Variants in WDR1 observed in about 807,000 individuals in gnomAD.
WDR1 encodes the protein WD repeat domain 1.
Under a neutral mutation model 71.9 loss-of-function variants are expected in WDR1, and 21 were observed. The ratio of observed to expected loss-of-function variants is 0.29; its 90% CI spans 0.21 to 0.42. The LOEUF (loss-of-function observed/expected upper bound fraction) is 0.42, where lower values mean the gene tolerates loss of function less well. Ranked by LOEUF, WDR1 falls within the 10% of genes least tolerant of loss-of-function variation. The pLI, the probability that WDR1 is intolerant of heterozygous loss-of-function variation, is 1.00. For missense variants in WDR1, 696 were observed against 824.5 expected, an observed-to-expected ratio of 0.84 and a Z score of 1.91; for synonymous variants, 424 against 347.4, an observed-to-expected ratio of 1.22 and a Z score of -2.45.
At chr4:10,083,726 G>A in intron 9 of WDR1, 1 of 456,806 alleles carries the variant, frequency 2.2e-6, no homozygotes, top group Non-Finnish European at 4.4e-6. Flanking sequence ...CCCTGCCCAG[G>A]CACTCTGCAG....
chr4:10,111,477 C>A (rs1713359659), intron 2 of WDR1, among the ~76,000 whole-genome samples: 1 of 152,206 alleles, frequency 6.6e-6, no homozygotes, highest in Non-Finnish European at 1.5e-5. Context: ...CTGGCAGGCG[C>A]TGCTGCCAGC....
At chr4:10,075,689 C>T (rs1325074161) in intron 14 of WDR1, 2 of 596,920 alleles carry the variant, frequency 3.4e-6, no homozygotes, top group African/African-American at 3.7e-5. Flanking sequence ...GGCCGGGTAC[C>T]TCTTTTTTGT....
chr4:10,115,900 CT>C, intron 2 of WDR1: 1 of 608,486 alleles, frequency 1.6e-6, no homozygotes, highest in Admixed American at 3.2e-5. Context: ...CGAACTAAGA[CT>C]CAGTTTCCTC....
intron 6 of WDR1, 81 bp downstream of exon 6, chr4:10,088,583 T>G (rs1578426008): frequency 2.3e-6 from 3 of 1,310,226 alleles, no homozygotes; most frequent in Admixed American, 2.0e-5. Flanking sequence ...AGGACTAGCA[T>G]TAGGCAGCCT....
At chr4:10,101,457 T>C (rs1445363880) in intron 3 of WDR1, among the ~76,000 whole-genome samples, 1 of 152,228 alleles carries the variant, frequency 6.6e-6, no homozygotes, top group East Asian at 1.9e-4. Flanking sequence ...CGTTCCAATG[T>C]AAGCCTTAAC....
intron 5 of WDR1, 26 bp downstream of exon 5, chr4:10,097,685 T>C (rs1242107619): frequency 1.3e-6 from 2 of 1,597,388 alleles, no homozygotes; most frequent in African/African-American, 2.7e-5. Context: ...AACCACAAAT[T>C]TCACCCAAAA....
At chr4:10,116,452 G>C in intron 1 of WDR1, 199 bp downstream of exon 1, 2 of 796,286 alleles carry the variant, frequency 2.5e-6, no homozygotes, top group Non-Finnish European at 3.5e-6. Flanking sequence ...CTCGGCCCAC[G>C]GCGCCAACTT....
chr4:10,075,302 T>C lies in WDR1; in HGVS notation c.*76A>G, dbSNP rs1000689111. ...GGGGCATGGGGGCGCGTCACAGAAATAGAGAAATGACATGTTCCGCTGCAG... is the reference window on the plus strand; with the variant it reads ...GGGGCATGGGGGCGCGTCACAGAAACAGAGAAATGACATGTTCCGCTGCAG... On this transcript the variant is annotated 3_prime_UTR_variant, in exon 15 of 15. Coordinates refer to ENST00000499869, the MANE Select transcript of WDR1 (RefSeq NM_017491.5). 1.4e-6 allele frequency: 2 copies of C among 1,393,560 alleles called. No homozygotes were observed. Among genetic ancestry groups the C allele is most frequent in the African/African-American group, 1.4e-5 (1 of 70,126 alleles). 86.3% of individuals were successfully genotyped at this position (1,393,560 alleles called of 1,614,324 possible). A position where few individuals can be genotyped will look rare whatever the true frequency, so the allele number is the denominator to read the frequency against.
intron 14 of WDR1, chr4:10,076,071 G>A (rs1448084429): frequency 1.3e-5 from 2 of 153,076 alleles, no homozygotes; most frequent in African/African-American, 4.8e-5. Flanking sequence ...CTCTGCCCAT[G>A]AAGCCCAGGG....
intron 5 of WDR1, chr4:10,093,234 T>C: frequency 1.9e-6 from 2 of 1,047,088 alleles, no homozygotes; most frequent in Non-Finnish European, 2.6e-6. Context: ...GCTGACCCTG[T>C]ACACAAGAGG....
chr4:10,116,315 G>T (rs371112984), intron 1 of WDR1, 81 bp from the exon 2 acceptor site: 12 of 1,579,500 alleles, frequency 7.6e-6, no homozygotes, highest in Non-Finnish European at 9.5e-6. Context: ...GCCCCGGACC[G>T]GTCTCGGCCG....
At chr4:10,091,690 T>C (rs1711998033) in intron 5 of WDR1, 1 of 152,278 alleles carries the variant, frequency 6.6e-6, no homozygotes, top group Non-Finnish European at 1.5e-5. Flanking sequence ...CCTTCTGCTG[T>C]TACCCACCAT....
rs936909906 is a variant in WDR1, at chr4:10,116,738, C to G, written c.-72G>C. 5.5e-5 allele frequency: 70 copies of G among 1,276,290 alleles called. No individual in the cohort carries two copies. The highest frequency in any genetic ancestry group is 6.6e-5 in the Non-Finnish European group (67 of 1,009,174). The allele number at this position is 1,276,290 out of a possible 1,614,324, so 79.1% of individuals were successfully genotyped here. On this transcript the variant is annotated 5_prime_UTR_variant, in exon 1 of 15. Transcript: ENST00000499869. Reference sequence around the variant, plus strand: ...CCGGCCCGCGCTGCGAATTACACCTCGCCGAGGCCGAGCCCGGGGACTGGA... The same window carrying G: ...CCGGCCCGCGCTGCGAATTACACCTGGCCGAGGCCGAGCCCGGGGACTGGA...
At chr4:10,103,486 G>A (rs917007181) in intron 3 of WDR1, among the ~76,000 whole-genome samples, 2 of 152,056 alleles carry the variant, frequency 1.3e-5, no homozygotes, top group Non-Finnish European at 2.9e-5. Context: ...TTTGAAAAGG[G>A]GCATTTTGGT....
intron 3 of WDR1, among the ~76,000 whole-genome samples, chr4:10,099,767 C>G (rs370902897): frequency 6.6e-6 from 1 of 152,382 alleles, no homozygotes; most frequent in South Asian, 2.1e-4. Flanking sequence ...AGCAGCCTCA[C>G]TCACACACCG....
At chr4:10,111,956 G>A (rs866280837) in intron 2 of WDR1, among the ~76,000 whole-genome samples, 22 of 152,306 alleles carry the variant, frequency 1.4e-4, no homozygotes, top group African/African-American at 5.3e-4. Flanking sequence ...CTGGAATCTA[G>A]GAACTGGATA....
intron 3 of WDR1, among the ~76,000 whole-genome samples, chr4:10,102,785 C>A (rs753793803): frequency 5.3e-5 from 8 of 152,174 alleles, no homozygotes; most frequent in Non-Finnish European, 8.8e-5. Flanking sequence ...GCATGAGTCC[C>A]GCCCTCCCCT....
intron 3 of WDR1, among the ~76,000 whole-genome samples, chr4:10,103,221 G>C (rs1712803041): frequency 6.6e-6 from 1 of 151,884 alleles, no homozygotes; most frequent in South Asian, 2.1e-4. Flanking sequence ...CACTGGGAAA[G>C]GAGCAGCGGG....
intron 9 of WDR1, chr4:10,083,555 T>G: frequency 2.1e-6 from 1 of 473,646 alleles, no homozygotes; most frequent in South Asian, 1.5e-5. Flanking sequence ...TCTCCCAGCC[T>G]GGGGGGACCT....
Sources: allele counts gnomAD v4.1 joint callset (sites outside exome capture counted in the v4.1 genomes callset), GRCh38; gene constraint gnomAD v4.1.1; transcripts MANE v1.5; gene names NCBI Gene and HGNC (gene_info 2026-07-23, HGNC 2026-07-21).